The following PARL variants were observed in gnomAD, a reference collection of about 807,000 sequenced individuals.
The protein encoded by PARL is presenilin associated rhomboid like, also known as presenilin-associated rhomboid-like protein, mitochondrial.
Under a neutral mutation model 51.6 loss-of-function variants are expected in PARL, and 44 were observed. The observed-to-expected ratio is 0.85, with a 90% confidence interval of 0.67 to 1.10. PARL has a LOEUF of 1.10. PARL is among the 50% of genes least tolerant of loss of function. PARL has a pLI of 0.00. For synonymous variants in PARL, 172 were observed against 164.0 expected (o/e 1.05, Z -0.37); for missense variants, 441 against 469.5 (o/e 0.94, Z 0.56).
intron 7 of PARL, among the ~76,000 whole-genome samples, chr3:183,837,608 G>A (rs1294443744): frequency 6.6e-6 from 1 of 152,184 alleles, no homozygotes; most frequent in Admixed American, 6.5e-5. Context: ...GGAGGCAAAG[G>A]CGGCTGAGTG....
chr3:183,862,199 C>T (rs1731913346), intron 4 of PARL, among the ~76,000 whole-genome samples: 1 of 152,194 alleles, frequency 6.6e-6, no homozygotes, highest in Admixed American at 6.5e-5. Context: ...TGGTGACATG[C>T]ATGTCATGCT....
intron 4 of PARL, among the ~76,000 whole-genome samples, chr3:183,848,383 A>C (rs893614941): frequency 1.3e-5 from 2 of 152,154 alleles, no homozygotes; most frequent in African/African-American, 4.8e-5. Flanking sequence ...CTGGGACTAC[A>C]GGCACCCGCT....
chr3:183,829,341 A>C lies in PARL; in HGVS notation c.*257T>G. On this transcript the variant is annotated 3_prime_UTR_variant, in exon 10 of 10. Transcript: ENST00000317096. The stretch of plus-strand genomic sequence containing the variant: ...TCCTGTCAATGCAACAACCAAAGCA[A>C]AATGCCAGAGCCGTGTCGGCCCCTT... 1 of 1,294,984 alleles carries C rather than the reference A, an allele frequency of 7.7e-7. No homozygotes were observed. Among genetic ancestry groups the C allele is most frequent in the Non-Finnish European group, 1.0e-6 (1 of 991,840 alleles). 80.2% of individuals were successfully genotyped at this position (1,294,984 alleles called of 1,614,324 possible).
At chr3:183,834,258 T>A (rs1728294830) in intron 7 of PARL, among the ~76,000 whole-genome samples, 1 of 152,186 alleles carries the variant, frequency 6.6e-6, no homozygotes, top group African/African-American at 2.4e-5. Context: ...TTCATCTTCA[T>A]AAAGAAACAA....
chr3:183,850,104 A>G (rs1459512382), intron 4 of PARL, among the ~76,000 whole-genome samples: 1 of 152,204 alleles, frequency 6.6e-6, no homozygotes, highest in Non-Finnish European at 1.5e-5. Flanking sequence ...TATGTTTCTC[A>G]TTGGCTTCAC....
chr3:183,882,040 A>T (rs2108726520), intron 1 of PARL, among the ~76,000 whole-genome samples: 1 of 151,178 alleles, frequency 6.6e-6, no homozygotes, highest in Middle Eastern at 3.4e-3. Context: ...GTCTCTACAA[A>T]AAACACAAAA....
At chr3:183,883,549 C>G (rs997143538) in intron 1 of PARL, 2 of 969,860 alleles carry the variant, frequency 2.1e-6, no homozygotes, top group African/African-American at 1.8e-5. Context: ...GGATTACAGG[C>G]GTGTGAGCCA....
intron 4 of PARL, 97 bp from the exon 5 acceptor site, chr3:183,844,423 AAG>A: frequency 1.2e-6 from 1 of 816,962 alleles, no homozygotes; most frequent in Non-Finnish European, 2.1e-6. Flanking sequence ...ACAATTATGT[AAG>A]AGTACTGTAT....
intron 4 of PARL, among the ~76,000 whole-genome samples, chr3:183,857,731 A>T (rs1731331261): frequency 6.6e-6 from 1 of 152,146 alleles, no homozygotes; most frequent in Non-Finnish European, 1.5e-5. Context: ...ACAATGACAA[A>T]ATCTAGTCTA....
At chr3:183,859,336 G>C (rs2108656511) in intron 4 of PARL, among the ~76,000 whole-genome samples, 2 of 152,160 alleles carry the variant, frequency 1.3e-5, no homozygotes, top group South Asian at 4.2e-4. Flanking sequence ...GTAAGAAGGG[G>C]AGGTTTTTGT....
intron 1 of PARL, among the ~76,000 whole-genome samples, chr3:183,874,104 C>T (rs878878373): frequency 2.6e-5 from 4 of 152,288 alleles, no homozygotes; most frequent in African/African-American, 9.6e-5. Flanking sequence ...GTCACATTTC[C>T]GTAATTCTCA....
intron 3 of PARL, among the ~76,000 whole-genome samples, chr3:183,864,421 A>G (rs1732199965): frequency 6.6e-6 from 1 of 152,150 alleles, no homozygotes; most frequent in Non-Finnish European, 1.5e-5. Flanking sequence ...TGAAAACCAA[A>G]TGGGCCTGAA....
rs1478645669 is a variant in PARL, at chr3:183,833,826, C to G, written c.829-1G>C. 7.5e-6 allele frequency: 12 copies of G among 1,596,922 alleles called. No individual in the cohort carries two copies. The highest frequency in any genetic ancestry group is 1.3e-5 in the African/African-American group (1 of 74,606). On this transcript the variant is annotated splice_acceptor_variant, in intron 7 of 9. Transcript: ENST00000317096. LOFTEE classifies it high-confidence loss of function. Reference sequence around the variant, plus strand: ...CGAGGACTGTCATGATGGCACCAGACTGCAAAGTAACACAGCAGGGAGAAT... The same window carrying G: ...CGAGGACTGTCATGATGGCACCAGAGTGCAAAGTAACACAGCAGGGAGAAT...
intron 1 of PARL, among the ~76,000 whole-genome samples, chr3:183,877,632 T>G (rs1457756190): frequency 2.6e-5 from 4 of 152,078 alleles, no homozygotes; most frequent in African/African-American, 9.7e-5. Context: ...GCCACTCTGA[T>G]CAGTCCACAG....
chr3:183,863,815 G>C (rs1732124903), intron 3 of PARL, among the ~76,000 whole-genome samples: 1 of 152,050 alleles, frequency 6.6e-6, no homozygotes, highest in South Asian at 2.1e-4. Context: ...GGGTTCCCAG[G>C]ACTTTCATGT....
chr3:183,833,301 A>G (rs1377717800), intron 9 of PARL, among the ~76,000 whole-genome samples, 191 bp downstream of exon 9: 1 of 152,190 alleles, frequency 6.6e-6, no homozygotes, highest in Non-Finnish European at 1.5e-5. Context: ...CTCTACAATG[A>G]GCCAGGTATG....
At chr3:183,853,064 A>T (rs1730728521) in intron 4 of PARL, among the ~76,000 whole-genome samples, 1 of 152,214 alleles carries the variant, frequency 6.6e-6, no homozygotes, top group Non-Finnish European at 1.5e-5. Flanking sequence ...ATGACACTGG[A>T]CTTGGTAATG....
chr3:183,878,305 T>C (rs1472971460), intron 1 of PARL, among the ~76,000 whole-genome samples: 1 of 152,194 alleles, frequency 6.6e-6, no homozygotes, highest in Non-Finnish European at 1.5e-5. Flanking sequence ...ACTCTGGACC[T>C]TGCACAATAT....
At chr3:183,871,188 G>GTACTATACTCAAAGTAAGGTGA (rs1733154466) in intron 1 of PARL, among the ~76,000 whole-genome samples, 2 of 152,094 alleles carry the variant, frequency 1.3e-5, no homozygotes, top group Admixed American at 1.3e-4. Context: ...AAGTAAGGTG[G>GTACTATACTCAAAGTAAGGTGA]TACTATACTC....
Sources: gnomAD v4.1 joint callset for allele counts (sites outside exome capture counted in the v4.1 genomes callset) on GRCh38, gnomAD v4.1.1 for gene constraint, MANE v1.5 for transcripts, NCBI Gene and HGNC (gene_info 2026-07-23, HGNC 2026-07-21) for gene names.